The following MSI2 variants were observed in gnomAD, a reference collection of about 807,000 sequenced individuals.
The protein encoded by MSI2 is RNA-binding protein Musashi homolog 2.
A neutral mutation model predicts 45.6 loss-of-function variants in MSI2; 17 were observed. That is an observed-to-expected ratio of 0.37 (90% CI 0.26 to 0.56). The LOEUF (loss-of-function observed/expected upper bound fraction) is 0.56. MSI2 is among the 20% of genes least tolerant of loss of function. MSI2 has a pLI of 0.77. For synonymous variants in MSI2, 156 were observed against 158.2 expected, an observed-to-expected ratio of 0.99 and a Z score of 0.11; for missense variants, 293 against 444.2, an observed-to-expected ratio of 0.66 and a Z score of 3.06.
At position 57,407,341 on chromosome 17, in the gene MSI2, A is replaced by T. The variant is rs2084103368; in HGVS notation, c.405+5870A>T. Among the ~76,000 whole-genome samples, 1 of 151,970 alleles carries T rather than the reference A, an allele frequency of 6.6e-6. No homozygotes were observed. The highest frequency in any genetic ancestry group is 1.5e-5 in the Non-Finnish European group (1 of 67,984). ...ACTCAGACACCCCTTTTGATACTGTATGTGTGAGGAGAGTCATACCTGGAA... is the reference window on the plus strand; with the variant it reads ...ACTCAGACACCCCTTTTGATACTGTTTGTGTGAGGAGAGTCATACCTGGAA... On this transcript the variant is annotated intron_variant, in intron 6 of 13. Transcript: ENST00000284073. The surrounding 1 kb of genome is among the most constrained non-coding windows in gnomAD (Gnocchi z 4.1).
At chr17:57,644,794 A>C (rs1910528955) in intron 10 of MSI2, among the ~76,000 whole-genome samples, 1 of 152,156 alleles carries the variant, frequency 6.6e-6, no homozygotes. Context: ...TGCATATTAC[A>C]AAAGAGTCTT....
At chr17:57,450,363 T>C (rs2084992444) in intron 6 of MSI2, 2 of 151,900 alleles carry the variant, frequency 1.3e-5, no homozygotes. Context: ...GAAGTCACTT[T>C]CCTTAGAAAA....
intron 7 of MSI2, among the ~76,000 whole-genome samples, chr17:57,580,759 G>C (rs913425531): frequency 6.6e-6 from 1 of 152,152 alleles, no homozygotes; most frequent in African/African-American, 2.4e-5. Flanking sequence ...CGACAACTAG[G>C]TGAGTTCAAA....
chr17:57,684,776 T>G (rs4141239), downstream of MSI2: 38,724 of 152,066 alleles, frequency 0.25, 5,140 homozygotes, highest in Middle Eastern at 0.28. Flanking sequence ...TATCATCAAA[T>G]CGCACCTGCC....
At chr17:57,635,311 C>T (rs1023469199) in intron 10 of MSI2, among the ~76,000 whole-genome samples, 1 of 152,222 alleles carries the variant, frequency 6.6e-6, no homozygotes, top group Admixed American at 6.5e-5. Context: ...GTGATGTGGT[C>T]GAACTTCCAT....
intron 11 of MSI2, among the ~76,000 whole-genome samples, chr17:57,658,496 G>C (rs11652338): frequency 0.31 from 46,936 of 152,130 alleles, 9,042 homozygotes; most frequent in East Asian, 0.84. Flanking sequence ...TAATAATGCT[G>C]ACAGCTGCCC....
intron 5 of MSI2, among the ~76,000 whole-genome samples, chr17:57,276,072 A>G (rs1908818493): frequency 6.6e-6 from 1 of 152,298 alleles, no homozygotes; most frequent in African/African-American, 2.4e-5. Context: ...TATTTTGACA[A>G]AGAAGGAAGA....
intron 5 of MSI2, among the ~76,000 whole-genome samples, chr17:57,283,365 T>G (rs1430955466): frequency 6.6e-6 from 1 of 152,172 alleles, no homozygotes; most frequent in Non-Finnish European, 1.5e-5. Context: ...GAAGTCCCTT[T>G]GTATCGCTGA....
intron 5 of MSI2, among the ~76,000 whole-genome samples, chr17:57,295,630 C>T (rs117523996): frequency 8.8e-4 from 134 of 152,204 alleles, no homozygotes; most frequent in Non-Finnish European, 1.5e-3. Context: ...CTTTAAACTC[C>T]GTTTTTCTTT....
At chr17:57,429,947 A>G (rs2084565194) in intron 6 of MSI2, among the ~76,000 whole-genome samples, 1 of 152,124 alleles carries the variant, frequency 6.6e-6, no homozygotes, top group African/African-American at 2.4e-5. Context: ...CCTTGGGCAA[A>G]TTCATCTGTA....
chr17:57,337,257 G>T (rs1391817735), intron 5 of MSI2, among the ~76,000 whole-genome samples: 1 of 152,196 alleles, frequency 6.6e-6, no homozygotes, highest in Non-Finnish European at 1.5e-5. Flanking sequence ...AGCCTGACAA[G>T]AAAACCCTTG....
chr17:57,646,825 A>T (rs1359563242), intron 10 of MSI2, among the ~76,000 whole-genome samples: 1 of 143,848 alleles, frequency 7.0e-6, no homozygotes, highest in Non-Finnish European at 1.5e-5. Context: ...TTTTAGCCAG[A>T]CATCCTCGTT....
At chr17:57,325,503 G>T (rs994329811) in intron 5 of MSI2, among the ~76,000 whole-genome samples, 1 of 152,218 alleles carries the variant, frequency 6.6e-6, no homozygotes, top group East Asian at 1.9e-4. Flanking sequence ...AAAAAGGGAC[G>T]TGTTTGAGTC....
At chr17:57,411,062 C>G (rs2084186810) in intron 6 of MSI2, among the ~76,000 whole-genome samples, 1 of 152,134 alleles carries the variant, frequency 6.6e-6, no homozygotes, top group Non-Finnish European at 1.5e-5. Context: ...TGGAGTGCAG[C>G]AGCACGATTT....
chr17:57,686,891 AAACCTGATCTGATGGCTCTATAT>A (rs1206752021), downstream of MSI2, among the ~76,000 whole-genome samples: 4 of 152,182 alleles, frequency 2.6e-5, no homozygotes, highest in Admixed American at 2.0e-4. Context: ...TGCAATTAGT[AAACCTGATCTGATGGCTCTATAT>A]AACCTGATCT....
At chr17:57,354,434 G>C (rs1916271759) in intron 5 of MSI2, among the ~76,000 whole-genome samples, 1 of 152,144 alleles carries the variant, frequency 6.6e-6, no homozygotes, top group African/African-American at 2.4e-5. Context: ...GAGCAGGATG[G>C]TCAAGGTCAA....
At chr17:57,513,871 A>G (rs1190307083) in intron 6 of MSI2, among the ~76,000 whole-genome samples, 1 of 152,242 alleles carries the variant, frequency 6.6e-6, no homozygotes, top group Non-Finnish European at 1.5e-5. Flanking sequence ...AGGAAAAATT[A>G]TAGAGCTGAG....
chr17:57,371,371 T>C (rs1469169824), intron 5 of MSI2, among the ~76,000 whole-genome samples: 1 of 152,150 alleles, frequency 6.6e-6, no homozygotes, highest in Non-Finnish European at 1.5e-5. Context: ...TCTGCCATGT[T>C]CCTCCAATCA....
rs141517254 is a variant in MSI2, at chr17:57,326,773, G to A, written c.312+64581G>A. Among the ~76,000 whole-genome samples, 662 of 152,326 alleles carry A rather than the reference G, an allele frequency of 4.3e-3. 6 individuals carry two copies. The highest frequency in any genetic ancestry group is 0.01 in the Middle Eastern group (3 of 294). On this transcript the variant is annotated intron_variant, in intron 5 of 13. Transcript: ENST00000284073. ...TGGGAAAACCAAGGCAGCTGCTGCT[G>A]AAGTAGCTTGCCTGGGGTCATGTGG...
Sources: allele counts gnomAD v4.1 joint callset (sites outside exome capture counted in the v4.1 genomes callset), GRCh38; gene constraint gnomAD v4.1.1; non-coding constraint Gnocchi (gnomAD v3.1); transcripts MANE v1.5; gene names NCBI Gene and HGNC (gene_info 2026-07-23, HGNC 2026-07-21).